Variants in PDE4B observed in about 807,000 individuals in gnomAD.
PDE4B encodes phosphodiesterase 4B.
A neutral mutation model predicts 82.2 loss-of-function variants in PDE4B; 20 were observed. The observed-to-expected ratio is 0.24, with a 90% CI of 0.17 to 0.35. The LOEUF (loss-of-function observed/expected upper bound fraction) is 0.35. PDE4B is among the 10% of genes least tolerant of loss of function. The pLI, the probability that PDE4B is intolerant of heterozygous loss-of-function variation, is 1.00. For synonymous variants in PDE4B, 320 were observed against 318.9 expected (o/e 1.00, Z -0.04); for missense variants, 655 against 907.2 (o/e 0.72, Z 3.57).
chr1:66,202,353 T>G (rs1233542335), intron 3 of PDE4B, among the ~76,000 whole-genome samples: 18 of 152,318 alleles, frequency 1.2e-4, no homozygotes, highest in African/African-American at 3.1e-4. Flanking sequence ...TCTGTAGATA[T>G]CTATTAGGTC....
chr1:66,305,957 G>A (rs762385909), intron 7 of PDE4B, among the ~76,000 whole-genome samples: 1 of 152,092 alleles, frequency 6.6e-6, no homozygotes, highest in Non-Finnish European at 1.5e-5. Context: ...AAGGGCCGCA[G>A]CAGAGGCACC....
In PDE4B at chr1:66,368,691, G is replaced by A. The variant is rs533383288; in HGVS notation, c.1663-96G>A. On this transcript the variant is annotated intron_variant, in intron 15 of 16. Coordinates refer to ENST00000341517, the MANE Select transcript of PDE4B (RefSeq NM_002600.4). ...ATTATAATGCAACTAAAATGTTCTC[G>A]GGTTTAGTACCAAGCGTACTAGTAT... The A allele has an allele frequency of 6.2e-5, 55 of 888,632 alleles. 1 individual carries two copies. The South Asian group carries it at 8.6e-4, about 14-fold the overall frequency. 55.0% of individuals were successfully genotyped at this position (888,632 alleles called of 1,614,324 possible). A position where few individuals can be genotyped will look rare whatever the true frequency, so the allele number is the denominator to read the frequency against.
chr1:66,273,464 A>G (rs933311544), intron 7 of PDE4B, among the ~76,000 whole-genome samples: 1 of 152,286 alleles, frequency 6.6e-6, no homozygotes, highest in African/African-American at 2.4e-5. Context: ...GCCCTGATAT[A>G]TACTATGTGC....
At chr1:66,305,346 T>C (rs1440227114) in intron 7 of PDE4B, among the ~76,000 whole-genome samples, 1 of 152,194 alleles carries the variant, frequency 6.6e-6, no homozygotes, top group Non-Finnish European at 1.5e-5. Flanking sequence ...GCAAGACTCA[T>C]AGAGATATGA....
rs1045849374 is a variant in PDE4B, at chr1:66,239,744, A to C, written c.282-7716A>C. Among the ~76,000 whole-genome samples the C allele has an allele frequency of 2.0e-5, 3 of 152,242 alleles. No individual in the cohort carries two copies. The South Asian group carries it at 6.2e-4, about 32-fold the overall frequency. ...ACTAAAATATACTCCTAAGCATTTGAAACAAAACTTTTAAAAAATGATACT... is the reference window on the plus strand; with the variant it reads ...ACTAAAATATACTCCTAAGCATTTGCAACAAAACTTTTAAAAAATGATACT... On this transcript the variant is annotated intron_variant, in intron 3 of 16. Transcript: ENST00000341517.
intron 3 of PDE4B, among the ~76,000 whole-genome samples, chr1:66,200,552 G>A (rs1398840680): frequency 6.6e-6 from 1 of 152,072 alleles, no homozygotes; most frequent in Non-Finnish European, 1.5e-5. Flanking sequence ...TCCTTTAAGA[G>A]GTCCTTCACG....
intron 1 of PDE4B, among the ~76,000 whole-genome samples, chr1:65,869,398 T>A (rs1312797255): frequency 6.6e-6 from 1 of 152,202 alleles, no homozygotes; most frequent in Non-Finnish European, 1.5e-5. Context: ...TTTAAAGTTA[T>A]GGGATTTTGA....
chr1:66,289,375 T>C (rs956338064), intron 7 of PDE4B, among the ~76,000 whole-genome samples: 9 of 152,172 alleles, frequency 5.9e-5, no homozygotes, highest in Admixed American at 5.9e-4. Flanking sequence ...TCAAAGGATA[T>C]TAAAAGGGCA....
chr1:66,356,708 C>A (rs1248607693), intron 9 of PDE4B, among the ~76,000 whole-genome samples: 1 of 152,216 alleles, frequency 6.6e-6, no homozygotes, highest in Non-Finnish European at 1.5e-5. Flanking sequence ...TTGCTATCAG[C>A]AGATCAATCA....
intron 1 of PDE4B, among the ~76,000 whole-genome samples, chr1:65,809,944 G>A (rs1645800970): frequency 6.6e-6 from 1 of 152,180 alleles, no homozygotes; most frequent in Admixed American, 6.5e-5. Flanking sequence ...TCTTTTTGGT[G>A]CTCTTAAAAT....
intron 3 of PDE4B, among the ~76,000 whole-genome samples, chr1:65,942,391 C>G (rs890994127): frequency 4.0e-5 from 6 of 151,638 alleles, no homozygotes; most frequent in African/African-American, 1.2e-4. Context: ...AAGAATATTT[C>G]TTTTCATATA....
chr1:66,190,134 G>A (rs1647630916), intron 3 of PDE4B, among the ~76,000 whole-genome samples: 1 of 152,160 alleles, frequency 6.6e-6, no homozygotes, highest in Non-Finnish European at 1.5e-5. Flanking sequence ...CAGCAGTGGA[G>A]GCTGCAGAAC....
intron 7 of PDE4B, among the ~76,000 whole-genome samples, chr1:66,319,684 C>T (rs1659265977): frequency 6.6e-6 from 1 of 152,066 alleles, no homozygotes; most frequent in Non-Finnish European, 1.5e-5. Flanking sequence ...ATGAAAATTC[C>T]CTGAGCTTCA....
intron 7 of PDE4B, among the ~76,000 whole-genome samples, chr1:66,282,052 G>A (rs1367841515): frequency 6.6e-6 from 1 of 152,152 alleles, no homozygotes; most frequent in Non-Finnish European, 1.5e-5. Context: ...TGCCCACACA[G>A]GTACCTGCGT....
intron 3 of PDE4B, among the ~76,000 whole-genome samples, chr1:66,171,696 G>GAGCTTTA (rs1385635566): frequency 6.6e-6 from 1 of 152,050 alleles, no homozygotes; most frequent in Admixed American, 6.6e-5. Context: ...AAGCAGGCCT[G>GAGCTTTA]AGCTTTAATT....
chr1:66,357,681 G>A (rs145290055), intron 9 of PDE4B, among the ~76,000 whole-genome samples: 8 of 152,092 alleles, frequency 5.3e-5, no homozygotes, highest in African/African-American at 1.7e-4. Flanking sequence ...GAGGGTGGAT[G>A]TGGTAAACCC....
chr1:66,291,123 T>G (rs1034017748), intron 7 of PDE4B, among the ~76,000 whole-genome samples: 1 of 152,190 alleles, frequency 6.6e-6, no homozygotes, highest in African/African-American at 2.4e-5. Flanking sequence ...TAGCAATAGC[T>G]AACATTTACT....
chr1:65,865,730 A>G (rs1408416732), intron 1 of PDE4B, among the ~76,000 whole-genome samples: 1 of 152,094 alleles, frequency 6.6e-6, no homozygotes, highest in East Asian at 1.9e-4. Context: ...AAACAGTCCC[A>G]ATGAGATGAA....
chr1:65,913,452 C>A, intron 2 of PDE4B, 96 bp downstream of exon 2: 2 of 1,123,566 alleles, frequency 1.8e-6, no homozygotes, highest in Non-Finnish European at 2.7e-6. Flanking sequence ...TTTAACACAC[C>A]ACTCTGTGAC....
Sources: allele counts gnomAD v4.1 joint callset (sites outside exome capture counted in the v4.1 genomes callset), GRCh38; gene constraint gnomAD v4.1.1; transcripts MANE v1.5; gene names NCBI Gene and HGNC (gene_info 2026-07-23, HGNC 2026-07-21).